Variants in REL observed in about 807,000 individuals in gnomAD.
The protein encoded by REL is proto-oncogene c-Rel.
In REL, 15 loss-of-function variants were observed where a neutral mutation model predicts 45.9. The ratio of observed to expected loss-of-function variants is 0.33; its 90% CI spans 0.22 to 0.50. REL has a LOEUF of 0.50. REL is among the 20% of genes least tolerant of loss of function. REL has a pLI of 0.98. For missense variants in REL, 601 were observed against 715.2 expected (o/e 0.84, Z 1.82); for synonymous variants, 239 against 242.1 (o/e 0.99, Z 0.12).
At position 60,927,010 on chromosome 2, in the gene REL, C is replaced by T. The variant is rs566985504; in HGVS notation, c.*4475C>T. The T allele has an allele frequency of 4.4e-6, 1 of 228,444 alleles. No individual in the cohort carries two copies. The highest frequency in any genetic ancestry group is 1.8e-4 in the South Asian group (1 of 5,488). 14.2% of individuals were successfully genotyped at this position (228,444 alleles called of 1,614,324 possible). A position where few individuals can be genotyped will look rare whatever the true frequency, so the allele number is the denominator to read the frequency against. The stretch of plus-strand genomic sequence containing the variant: ...TGTTACCCACTCTGCCTCTGCTCTT[C>T]TGGAACTAGAACACTCATCCTTGAA... On this transcript the variant is annotated 3_prime_UTR_variant, in exon 10 of 10. Transcript: ENST00000394479.
chr2:60,900,406 G>A (rs1440123739), intron 3 of REL: 2 of 152,164 alleles, frequency 1.3e-5, no homozygotes, highest in Non-Finnish European at 2.9e-5. Flanking sequence ...TTGCTTTACT[G>A]TTAATCTATA....
At chr2:60,902,832 A>G (rs945665258) in intron 4 of REL, among the ~76,000 whole-genome samples, 3 of 151,808 alleles carry the variant, frequency 2.0e-5, no homozygotes, top group East Asian at 1.9e-4. Context: ...TCAGCAATCC[A>G]CTTGCCTCGG....
chr2:60,894,461 A>G lies in REL; in HGVS notation c.218A>G (p.Lys73Arg). 1 of 1,607,252 alleles carries G rather than the reference A, an allele frequency of 6.2e-7. No homozygotes were observed. The highest frequency in any genetic ancestry group is 1.1e-5 in the South Asian group (1 of 90,118). ...ITLVTKNDPY[K>R]PHPHDLVGKD... ...TTAGTAACAAAGAATGACCCATATA[A>G]ACCTCATCCTCATGATTTAGTTGGA... Residue 73 changes from lysine (K) to arginine (R), a missense_variant, in exon 3 of 10, where the codon AAA becomes AGA. Lys to Arg is a conservative substitution (Grantham distance 26). Coordinates refer to ENST00000394479, the MANE Select transcript of REL (RefSeq NM_001291746.2).
chr2:60,884,099 CAAAAAAA>C (rs199826692), intron 1 of REL, among the ~76,000 whole-genome samples: 2,164 of 66,708 alleles, frequency 0.032, 26 homozygotes, highest in Non-Finnish European at 0.046. Flanking sequence ...GAAGAGTGAC[CAAAAAAA>C]AAAAAAAAAA....
intron 2 of REL, 36 bp downstream of exon 2, chr2:60,891,861 A>G: frequency 1.9e-6 from 3 of 1,562,012 alleles, no homozygotes; most frequent in Non-Finnish European, 2.6e-6. Flanking sequence ...TCTCACTATT[A>G]GTTGCTTCAT....
rs1674035806 is a variant in REL at position 60,918,190 on chromosome 2, G to C, written c.536-1G>C. The stretch of plus-strand genomic sequence containing the variant: ...TTTTTTTGAAAATCCTTTATATTTA[G>C]GTGCTCCAAATACTGCAGAATTAAG... On this transcript the variant is annotated splice_acceptor_variant, in intron 5 of 9. Coordinates refer to ENST00000394479, the MANE Select transcript of REL (RefSeq NM_001291746.2). LOFTEE classifies it high-confidence loss of function. 1 of 1,564,174 alleles carries C rather than the reference G, an allele frequency of 6.4e-7. No homozygotes were observed. The highest frequency in any genetic ancestry group is 1.4e-5 in the African/African-American group (1 of 72,790).
intron 5 of REL, among the ~76,000 whole-genome samples, chr2:60,917,941 A>T (rs2103980663): frequency 6.6e-6 from 1 of 152,276 alleles, no homozygotes; most frequent in African/African-American, 2.4e-5. Context: ...GATTGGCGGA[A>T]TCAGAATTTA....
intron 4 of REL, among the ~76,000 whole-genome samples, chr2:60,910,340 C>T (rs1440375173): frequency 4.0e-5 from 6 of 151,748 alleles, no homozygotes; most frequent in African/African-American, 1.5e-4. Context: ...TGGCGGGCGC[C>T]TGTAGTCCCA....
chr2:60,918,079 A>G (rs146524560), intron 5 of REL, 112 bp from the exon 6 acceptor site: 1 of 642,452 alleles, frequency 1.6e-6, no homozygotes, highest in African/African-American at 1.8e-5. Flanking sequence ...TCATTTATCT[A>G]TACACTAAAA....
chr2:60,881,872 G>A, intron 1 of REL, 22 bp downstream of exon 1: 2 of 1,456,938 alleles, frequency 1.4e-6, no homozygotes, highest in Non-Finnish European at 9.1e-7. Flanking sequence ...TGGGGCGCGG[G>A]CCTGGGCCGG....
chr2:60,881,738 G>T lies in REL; in HGVS notation c.-103G>T, dbSNP rs1012880314. On this transcript the variant is annotated 5_prime_UTR_variant, in exon 1 of 10. Coordinates refer to ENST00000394479, the MANE Select transcript of REL (RefSeq NM_001291746.2). ...CCTCTAGGGTGGTCGGGGGACTGGGGGCCCCGCCGGCAGAGGTCCCTCGGC... is the reference window on the plus strand; with the variant it reads ...CCTCTAGGGTGGTCGGGGGACTGGGTGCCCCGCCGGCAGAGGTCCCTCGGC... 1.1e-5 allele frequency: 12 copies of T among 1,061,826 alleles called. No homozygotes were observed. Among genetic ancestry groups the T allele is most frequent in the African/African-American group, 1.6e-5 (1 of 61,218 alleles). The allele number at this position is 1,061,826 out of a possible 1,614,324, so 65.8% of individuals were successfully genotyped here.
chr2:60,890,618 CT>C (rs1167449942), intron 1 of REL, among the ~76,000 whole-genome samples: 2 of 152,100 alleles, frequency 1.3e-5, no homozygotes, highest in Admixed American at 1.3e-4. Context: ...GTCTATTTAC[CT>C]TTTCCCCCAC....
At chr2:60,907,476 T>A (rs1573332639) in intron 4 of REL, among the ~76,000 whole-genome samples, 1 of 151,836 alleles carries the variant, frequency 6.6e-6, no homozygotes, top group South Asian at 2.1e-4. Context: ...AAACCCCATC[T>A]CTACAAAAAA....
In REL at chr2:60,926,441, G is replaced by T. The variant is rs1317438820; in HGVS notation, c.*3906G>T. 8.2e-5 allele frequency: 19 copies of T among 231,758 alleles called. No homozygotes were observed. The highest frequency in any genetic ancestry group is 4.0e-4 in the African/African-American group (18 of 45,210). 14.4% of individuals were successfully genotyped at this position (231,758 alleles called of 1,614,324 possible). ...TGTCAAATCTAGTGTCTTTTTTTCA[G>T]TCCTCACACTGCTTGACCTATGTAT... On this transcript the variant is annotated 3_prime_UTR_variant, in exon 10 of 10. Coordinates refer to ENST00000394479, the MANE Select transcript of REL (RefSeq NM_001291746.2).
At chr2:60,913,572 A>G (rs1298933440) in intron 4 of REL, among the ~76,000 whole-genome samples, 1 of 152,184 alleles carries the variant, frequency 6.6e-6, no homozygotes. Context: ...GGTATTTATC[A>G]GATCCCACAT....
Position 60,922,815 on chromosome 2 carries a change from G to A in REL, c.*280G>A, listed in dbSNP as rs977780022. 8 of 844,672 alleles carry A rather than the reference G, an allele frequency of 9.5e-6. No individual in the cohort carries two copies. Among genetic ancestry groups the A allele is most frequent in the African/African-American group, 7.3e-5 (4 of 54,698 alleles). The allele number at this position is 844,672 out of a possible 1,614,324, so 52.3% of individuals were successfully genotyped here. On this transcript the variant is annotated 3_prime_UTR_variant, in exon 10 of 10. Transcript: ENST00000394479. ...TCCTAGCACTTTGGGAGGCCAAGGC[G>A]GGTGGATCACTTGAGACCAGGAATT...
intron 1 of REL, among the ~76,000 whole-genome samples, chr2:60,885,167 T>C (rs926663438): frequency 3.3e-5 from 5 of 152,172 alleles, no homozygotes; most frequent in Non-Finnish European, 7.4e-5. Context: ...TCAAATACAA[T>C]TTAAGGGACT....
At chr2:60,895,406 C>A (rs1057171369) in intron 3 of REL, among the ~76,000 whole-genome samples, 13 of 151,984 alleles carry the variant, frequency 8.6e-5, no homozygotes, top group African/African-American at 3.1e-4. Flanking sequence ...GTCTTGAACT[C>A]CTGGACTCAG....
chr2:60,908,774 G>C (rs1218401196), intron 4 of REL, among the ~76,000 whole-genome samples: 2 of 152,130 alleles, frequency 1.3e-5, no homozygotes, highest in Non-Finnish European at 2.9e-5. Flanking sequence ...GTTTTATTAG[G>C]TAGTTTACTG....
Sources: allele counts gnomAD v4.1 joint callset (sites outside exome capture counted in the v4.1 genomes callset), GRCh38; gene constraint gnomAD v4.1.1; transcripts MANE v1.5; gene names NCBI Gene and HGNC (gene_info 2026-07-23, HGNC 2026-07-21).